TMEM132D: variants seen among roughly 807,000 people sequenced by gnomAD.
TMEM132D encodes mature OL transmembrane protein.
Under a neutral mutation model 62.3 loss-of-function variants are expected in TMEM132D, and 21 were observed. The observed-to-expected ratio is 0.34, with a 90% CI of 0.24 to 0.49. The LOEUF (loss-of-function observed/expected upper bound fraction) is 0.49. TMEM132D is among the 20% of genes least tolerant of loss of function. TMEM132D has a pLI of 0.99. For missense variants in TMEM132D, 1,346 were observed against 1,402.8 expected (o/e 0.96, Z 0.65); for synonymous variants, 621 against 575.6 (o/e 1.08, Z -1.13).
intron 3 of TMEM132D, among the ~76,000 whole-genome samples, chr12:129,457,195 G>A (rs1400308011): frequency 6.6e-6 from 1 of 151,978 alleles, no homozygotes; most frequent in Non-Finnish European, 1.5e-5. Flanking sequence ...CAACCCAAAT[G>A]TCCAACAATG....
At chr12:129,412,116 T>TA (rs1351068325) in intron 3 of TMEM132D, among the ~76,000 whole-genome samples, 4 of 151,884 alleles carry the variant, frequency 2.6e-5, no homozygotes, top group Admixed American at 1.3e-4. Context: ...AAAGCCACTT[T>TA]AAAAAAATAC....
intron 3 of TMEM132D, among the ~76,000 whole-genome samples, chr12:129,456,045 C>CAGA (rs1319478208): frequency 1.3e-5 from 2 of 152,104 alleles, no homozygotes; most frequent in Admixed American, 1.3e-4. Flanking sequence ...TGTTAGCAGA[C>CAGA]AGAACCATGT....
At chr12:129,693,897 C>T (rs1881127388) in intron 2 of TMEM132D, among the ~76,000 whole-genome samples, 2 of 152,176 alleles carry the variant, frequency 1.3e-5, no homozygotes, top group Non-Finnish European at 2.9e-5. Flanking sequence ...GGACCTCCCC[C>T]AGACATGCTT....
intron 1 of TMEM132D, chr12:129,853,210 G>T (rs1873602363): frequency 6.6e-6 from 1 of 152,252 alleles, no homozygotes; most frequent in African/African-American, 2.4e-5. Context: ...AAAGGGGAGA[G>T]ACTGATGTGC....
chr12:129,091,073 G>A (rs1410532721), intron 5 of TMEM132D, among the ~76,000 whole-genome samples: 5 of 152,188 alleles, frequency 3.3e-5, no homozygotes, highest in Admixed American at 2.6e-4. Context: ...GCGTCTCCTA[G>A]GCAAATATAG....
At chr12:129,625,934 G>A (rs1424515151) in intron 2 of TMEM132D, among the ~76,000 whole-genome samples, 1 of 152,210 alleles carries the variant, frequency 6.6e-6, no homozygotes, top group Non-Finnish European at 1.5e-5. Flanking sequence ...AACGTCACGT[G>A]TATGACTCTT....
chr12:129,841,262 GA>G (rs1277783110), intron 1 of TMEM132D, among the ~76,000 whole-genome samples: 5 of 150,584 alleles, frequency 3.3e-5, no homozygotes, highest in Non-Finnish European at 7.4e-5. Flanking sequence ...ATCTCAAAAG[GA>G]AGAAAGAAAA....
chr12:129,854,498 G>C (rs10773715), intron 1 of TMEM132D: 59,172 of 152,078 alleles, frequency 0.39, 13,135 homozygotes, highest in South Asian at 0.53. Context: ...TCTTCGGGAA[G>C]AGCACTGAAA....
rs115687013 is a variant in TMEM132D, at chr12:129,751,711, A to C, written c.80-51013T>G. ...AGAAGTGCATTTTTTTGGTGCATTAAACATGGATTGTCCAACAAAGCCATG... is the reference window on the plus strand; with the variant it reads ...AGAAGTGCATTTTTTTGGTGCATTACACATGGATTGTCCAACAAAGCCATG... On this transcript the variant is annotated intron_variant, in intron 1 of 8. Coordinates refer to ENST00000422113, the MANE Select transcript of TMEM132D (RefSeq NM_133448.3). Among the ~76,000 whole-genome samples the C allele has an allele frequency of 7.0e-3, 1,073 of 152,312 alleles. 14 individuals are homozygous for C. The highest frequency in any genetic ancestry group is 0.023 in the African/African-American group (959 of 41,566).
At chr12:129,411,526 AT>A (rs537728254) in intron 3 of TMEM132D, among the ~76,000 whole-genome samples, 7 of 151,028 alleles carry the variant, frequency 4.6e-5, no homozygotes, top group Non-Finnish European at 4.4e-5. Flanking sequence ...CTAATTTTTA[AT>A]TTTTTTTTAT....
intron 3 of TMEM132D, among the ~76,000 whole-genome samples, chr12:129,518,105 T>C (rs970400417): frequency 9.2e-5 from 14 of 152,182 alleles, no homozygotes; most frequent in Non-Finnish European, 1.9e-4. Flanking sequence ...CTAAGGAGGA[T>C]AAACAATTTC....
At chr12:129,727,172 T>C (rs1045266278) in intron 1 of TMEM132D, among the ~76,000 whole-genome samples, 3 of 152,246 alleles carry the variant, frequency 2.0e-5, no homozygotes, top group African/African-American at 7.2e-5. Flanking sequence ...TCTTAGTCCA[T>C]TTTCTGCTGC....
At chr12:129,711,630 G>A (rs1049649690) in intron 1 of TMEM132D, among the ~76,000 whole-genome samples, 3 of 151,490 alleles carry the variant, frequency 2.0e-5, no homozygotes, top group Non-Finnish European at 4.4e-5. Context: ...AGGAGGCTGA[G>A]GCAGGAGAAT....
intron 3 of TMEM132D, among the ~76,000 whole-genome samples, chr12:129,424,061 T>C (rs976663438): frequency 1.3e-5 from 2 of 152,184 alleles, no homozygotes; most frequent in African/African-American, 4.8e-5. Flanking sequence ...AAGTACTACA[T>C]TTTTTGATAC....
At chr12:129,652,257 C>T (rs542466134) in intron 2 of TMEM132D, among the ~76,000 whole-genome samples, 8 of 152,222 alleles carry the variant, frequency 5.3e-5, no homozygotes, top group Admixed American at 4.6e-4. Context: ...AGCTGGCAAC[C>T]GTGGGGCTGG....
chr12:129,164,467 T>A (rs901420), intron 5 of TMEM132D, among the ~76,000 whole-genome samples: 10 of 152,208 alleles, frequency 6.6e-5, no homozygotes, highest in Non-Finnish European at 1.3e-4. Flanking sequence ...GACAGTTTCT[T>A]GTAAAGTTAA....
intron 4 of TMEM132D, among the ~76,000 whole-genome samples, chr12:129,264,225 T>TA (rs1342722387): frequency 6.6e-6 from 1 of 152,076 alleles, no homozygotes; most frequent in Non-Finnish European, 1.5e-5. Context: ...CCAGTCTTTA[T>TA]AAAAAATACA....
chr12:129,515,043 G>A (rs541897698), intron 3 of TMEM132D, among the ~76,000 whole-genome samples: 1 of 152,280 alleles, frequency 6.6e-6, no homozygotes, highest in South Asian at 2.1e-4. Flanking sequence ...GGCCCTTCTG[G>A]AAGAACATTA....
intron 2 of TMEM132D, among the ~76,000 whole-genome samples, chr12:129,612,516 G>A (rs1457435216): frequency 1.4e-4 from 22 of 152,160 alleles, no homozygotes; most frequent in Admixed American, 1.4e-3. Context: ...CCTTAAAAGT[G>A]TAGTAACGTA....
Sources: allele counts gnomAD v4.1 joint callset (sites outside exome capture counted in the v4.1 genomes callset), GRCh38; gene constraint gnomAD v4.1.1; transcripts MANE v1.5; gene names NCBI Gene and HGNC (gene_info 2026-07-23, HGNC 2026-07-21).